Variants in GPR137C observed in about 807,000 individuals in gnomAD.
The protein encoded by GPR137C is G protein-coupled receptor 137C.
In GPR137C, 27 loss-of-function variants were observed where a neutral mutation model predicts 43.4. That is an observed-to-expected ratio of 0.62 (90% CI 0.46 to 0.86). GPR137C has a LOEUF of 0.86. Among genes scored for constraint, GPR137C ranks in the 40% least tolerant of loss-of-function variants. GPR137C has a pLI of 0.00. For synonymous variants in GPR137C, 285 were observed against 226.9 expected (o/e 1.26, Z -2.30); for missense variants, 522 against 534.6 (o/e 0.98, Z 0.23).
At chr14:52,611,979 C>A in intron 3 of GPR137C, 2 of 985,268 alleles carry the variant, frequency 2.0e-6, no homozygotes, top group Non-Finnish European at 2.4e-6. Context: ...TTGGAAAAAT[C>A]CTTTCATTAC....
At chr14:52,617,538 G>A (rs2039112843) in intron 3 of GPR137C, among the ~76,000 whole-genome samples, 1 of 152,130 alleles carries the variant, frequency 6.6e-6, no homozygotes, top group Non-Finnish European at 1.5e-5. Flanking sequence ...AGTCAGCTGG[G>A]CATGGTGGCA....
At position 52,600,207 on chromosome 14, in the gene GPR137C, A is replaced by G. The variant is rs377739353; in HGVS notation, c.583A>G (p.Asn195Asp). ...AMLVHGDVPE[N>D]QLKWTVFVRA... ...GCTAGTTCATGGAGATGTCCCAGAA[A>G]ATCAGTTGAAGTGGACTGTGTTTGT... The change falls in exon 3 of 7, where the codon AAT (asparagine) becomes GAT (aspartate). Residue 195 changes from asparagine (N) to aspartate (D), a missense_variant. By Grantham distance (23) the Asn-to-Asp change is conservative. Around this residue, in one of 3 missense-constraint regions of GPR137C, gnomAD observed 437 missense variants for 425.7 expected, o/e 1.03. Transcript: ENST00000321662. 4 of 1,613,770 alleles carry G rather than the reference A, an allele frequency of 2.5e-6. No individual in the cohort carries two copies. In the African/African-American group the frequency reaches 4.0e-5, roughly 16 times the overall value.
intron 4 of GPR137C, among the ~76,000 whole-genome samples, chr14:52,632,591 T>C (rs977855565): frequency 1.3e-5 from 2 of 152,134 alleles, no homozygotes; most frequent in Admixed American, 1.3e-4. Flanking sequence ...TACTTATTTT[T>C]GTTAATGATG....
At chr14:52,621,246 G>T (rs1046838385) in intron 3 of GPR137C, among the ~76,000 whole-genome samples, 3 of 151,728 alleles carry the variant, frequency 2.0e-5, no homozygotes, top group African/African-American at 7.3e-5. Flanking sequence ...AAGGCCAGAA[G>T]ACACGGAAAC....
At chr14:52,591,918 G>C (rs190223889) in intron 1 of GPR137C, among the ~76,000 whole-genome samples, 61 of 152,220 alleles carry the variant, frequency 4.0e-4, no homozygotes, top group Non-Finnish European at 6.9e-4. Context: ...GTCCTGAATG[G>C]TATTGCCTAG....
At chr14:52,606,332 G>C (rs74401266) in intron 3 of GPR137C, among the ~76,000 whole-genome samples, 160 of 152,192 alleles carry the variant, frequency 1.1e-3, no homozygotes, top group African/African-American at 3.7e-3. Flanking sequence ...CATGTAGTTC[G>C]TAATAGTCTC....
At chr14:52,558,534 A>G (rs1421089554) in intron 1 of GPR137C, among the ~76,000 whole-genome samples, 1 of 152,164 alleles carries the variant, frequency 6.6e-6, no homozygotes, top group African/African-American at 2.4e-5. Flanking sequence ...CTTGCTTGAT[A>G]CTAACCTCAA....
At position 52,632,201 on chromosome 14, in the gene GPR137C, C is replaced by G. The variant is rs1219194210; in HGVS notation, c.759C>G (p.Val253=). 6.2e-7 allele frequency: 1 copy of G among 1,606,300 alleles called. No individual in the cohort carries two copies. The highest frequency in any genetic ancestry group is 1.7e-5 in the Admixed American group (1 of 59,926). The change falls in exon 4 of 7, where the codon GTC becomes GTG. Residue 253 remains valine, a synonymous_variant. Transcript: ENST00000321662. ...AGACTGTCGTCGTGGGCTCTGTAGT[C>G]ATTCTTCTGTACTCTTCCAGAGCTT... is the stretch of plus-strand genomic sequence containing the variant. ...LCQTVVVGSV[V]ILLYSSRACY... is the part of the protein sequence containing the mutation.
chr14:52,562,309 GCCTCAT>G (rs2038298000), intron 1 of GPR137C, among the ~76,000 whole-genome samples: 1 of 152,098 alleles, frequency 6.6e-6, no homozygotes, highest in South Asian at 2.1e-4. Flanking sequence ...AATAATACCT[GCCTCAT>G]AGAATTACTG....
chr14:52,605,238 T>G (rs892277342), intron 3 of GPR137C, among the ~76,000 whole-genome samples: 1 of 152,188 alleles, frequency 6.6e-6, no homozygotes, highest in Non-Finnish European at 1.5e-5. Flanking sequence ...CTTTCTTCAC[T>G]ATTTCATGGT....
At chr14:52,590,019 G>A (rs763704679) in intron 1 of GPR137C, among the ~76,000 whole-genome samples, 15 of 152,076 alleles carry the variant, frequency 9.9e-5, no homozygotes, top group African/African-American at 1.9e-4. Context: ...ACAGCCTCAC[G>A]TAGGTCCTTC....
chr14:52,598,862 A>G (rs1338620073), intron 2 of GPR137C, among the ~76,000 whole-genome samples: 1 of 152,204 alleles, frequency 6.6e-6, no homozygotes, highest in Non-Finnish European at 1.5e-5. Context: ...CAAACTATGT[A>G]ATTACTGTTT....
intron 1 of GPR137C, among the ~76,000 whole-genome samples, chr14:52,594,961 GTTTC>G (rs1056077452): frequency 1.3e-5 from 2 of 152,130 alleles, no homozygotes; most frequent in African/African-American, 4.8e-5. Context: ...TGGTACCGGT[GTTTC>G]TTTCCATGTT....
chr14:52,589,170 T>C (rs1021637726), intron 1 of GPR137C, among the ~76,000 whole-genome samples: 1 of 152,140 alleles, frequency 6.6e-6, no homozygotes, highest in African/African-American at 2.4e-5. Context: ...GAGGTACATA[T>C]AGTAGTTAAA....
Position 52,553,113 on chromosome 14 carries a change from T to C in GPR137C, c.-35T>C. The C allele has an allele frequency of 9.0e-7, 1 of 1,117,266 alleles. No individual in the cohort carries two copies. The highest frequency in any genetic ancestry group is 4.4e-5 in the South Asian group (1 of 22,862). The allele number at this position is 1,117,266 out of a possible 1,614,324, so 69.2% of individuals were successfully genotyped here. ...GGCGGCTCCGAGTCCAGCCCCTTCCTTCCCGCGCTCGCTCGCCCGGCCCCC... is the reference window on the plus strand; with the variant it reads ...GGCGGCTCCGAGTCCAGCCCCTTCCCTCCCGCGCTCGCTCGCCCGGCCCCC... On this transcript the variant is annotated 5_prime_UTR_variant, in exon 1 of 7. Transcript: ENST00000321662.
chr14:52,596,586 G>A (rs1237322664), intron 1 of GPR137C, among the ~76,000 whole-genome samples: 4 of 152,174 alleles, frequency 2.6e-5, no homozygotes, highest in South Asian at 2.1e-4. Context: ...AGACTGCTGC[G>A]CTAGCATTGA....
At chr14:52,580,564 A>G (rs1358084017) in intron 1 of GPR137C, among the ~76,000 whole-genome samples, 2 of 151,796 alleles carry the variant, frequency 1.3e-5, no homozygotes, top group Non-Finnish European at 2.9e-5. Flanking sequence ...GGGTTTCACC[A>G]TGTTGCCCTG....
intron 1 of GPR137C, among the ~76,000 whole-genome samples, chr14:52,584,538 A>T (rs1159786071): frequency 2.0e-5 from 3 of 152,114 alleles, no homozygotes; most frequent in African/African-American, 4.8e-5. Flanking sequence ...CATTTTTATT[A>T]TAGAAATGTG....
intron 1 of GPR137C, among the ~76,000 whole-genome samples, chr14:52,596,487 G>A (rs2038857365): frequency 6.6e-6 from 1 of 152,232 alleles, no homozygotes; most frequent in Non-Finnish European, 1.5e-5. Flanking sequence ...CCCAGTTCGA[G>A]CTTCCTGGCT....
Sources: allele counts gnomAD v4.1 joint callset (sites outside exome capture counted in the v4.1 genomes callset), GRCh38; gene constraint gnomAD v4.1.1; regional missense constraint gnomAD v4.1.1; transcripts MANE v1.5; gene names NCBI Gene and HGNC (gene_info 2026-07-23, HGNC 2026-07-21).